Variants in ASB17 observed in about 807,000 individuals in gnomAD.
ASB17 encodes ankyrin repeat and SOCS box containing 17.
A neutral mutation model predicts 25.7 loss-of-function variants in ASB17; 26 were observed. The ratio of observed to expected loss-of-function variants is 1.01; its 90% confidence interval spans 0.74 to 1.40. The LOEUF is 1.40. Ranked by LOEUF, ASB17 falls within the 40% of genes most tolerant of loss-of-function variation. ASB17 has a pLI of 0.00. For synonymous variants in ASB17, 128 were observed against 121.4 expected (o/e 1.05, Z -0.36); for missense variants, 326 against 338.5 (o/e 0.96, Z 0.29).
chr1:75,929,688 G>GGAAGAGTGGAAGCT (rs1553142604), intron 1 of ASB17, among the ~76,000 whole-genome samples: 1 of 152,138 alleles, frequency 6.6e-6, no homozygotes, highest in African/African-American at 2.4e-5. Context: ...GAGTTGAGAG[G>GGAAGAGTGGAAGCT]GAAGAGTGGA....
At chr1:75,925,317 C>T (rs1399879847) in intron 1 of ASB17, among the ~76,000 whole-genome samples, 1 of 151,946 alleles carries the variant, frequency 6.6e-6, no homozygotes, top group African/African-American at 2.4e-5. Flanking sequence ...ACTTAAGAAC[C>T]TTATAAGTAT....
At chr1:75,919,252 T>C (rs1269946008) in intron 2 of ASB17, 94 bp from the exon 3 acceptor site, 3 of 881,760 alleles carry the variant, frequency 3.4e-6, no homozygotes, top group Non-Finnish European at 5.0e-6. Context: ...ATTTAGAAAA[T>C]AGACCATAAA....
At chr1:75,922,909 A>AC (rs1423937299) in intron 1 of ASB17, among the ~76,000 whole-genome samples, 1 of 152,114 alleles carries the variant, frequency 6.6e-6, no homozygotes, top group Non-Finnish European at 1.5e-5. Context: ...ATAAAAAAAA[A>AC]CAATTTATAA....
intron 1 of ASB17, among the ~76,000 whole-genome samples, chr1:75,923,662 A>G (rs1453094499): frequency 6.6e-6 from 1 of 152,200 alleles, no homozygotes; most frequent in African/African-American, 2.4e-5. Flanking sequence ...ACTCAGAGCA[A>G]GGAAAGACTT....
chr1:75,919,173 A>G lies in ASB17; in HGVS notation c.682-15T>C. ...CTCAGCTGTGTCTGAAGAAAAGCAAAATATTTTACTTTTGTAATGTTTTGT... is the reference window on the plus strand; with the variant it reads ...CTCAGCTGTGTCTGAAGAAAAGCAAGATATTTTACTTTTGTAATGTTTTGT... On this transcript the variant is annotated splice_polypyrimidine_tract_variant and intron_variant, in intron 2 of 2. Coordinates refer to ENST00000284142, the MANE Select transcript of ASB17 (RefSeq NM_080868.3). 1 of 1,576,204 alleles carries G rather than the reference A, an allele frequency of 6.3e-7. No individual in the cohort carries two copies. The highest frequency in any genetic ancestry group is 1.1e-5 in the South Asian group (1 of 88,196).
intron 1 of ASB17, among the ~76,000 whole-genome samples, chr1:75,928,071 T>C (rs1222008538): frequency 1.3e-5 from 2 of 152,170 alleles, no homozygotes; most frequent in South Asian, 2.1e-4. Flanking sequence ...AAGAAACTCT[T>C]TGTTATCTTT....
In ASB17 at chr1:75,922,179, T is replaced by G. The variant is rs758668303; in HGVS notation, c.582A>C (p.Val194=). The change falls in exon 2 of 3, where the codon GTA becomes GTC. Residue 194 remains valine, a synonymous_variant. Transcript: ENST00000284142. ...TIVLYPSRVR[V]MVDRELADIH... is the part of the protein sequence containing the mutation. ...TGTCAGCCAATTCACGATCAACCAT[T>G]ACTCTTACTCTCGAAGGGTAGAGTA... The G allele has an allele frequency of 1.9e-6, 3 of 1,613,874 alleles. No homozygotes were observed. Among genetic ancestry groups the G allele is most frequent in the Admixed American group, 3.3e-5 (2 of 60,026 alleles).
intron 1 of ASB17, among the ~76,000 whole-genome samples, chr1:75,924,014 T>C (rs532640972): frequency 6.6e-6 from 1 of 152,248 alleles, no homozygotes; most frequent in East Asian, 1.9e-4. Flanking sequence ...ATCACAATGA[T>C]AGAAGCATGC....
rs373458549 is a variant in ASB17, at chr1:75,922,420, T to G, written c.402-61A>C. 7.0e-5 allele frequency: 88 copies of G among 1,261,820 alleles called. 1 individual carries two copies. The African/African-American group carries it at 1.2e-3, about 17-fold the overall frequency. The allele number at this position is 1,261,820 out of a possible 1,614,324, so 78.2% of individuals were successfully genotyped here. On this transcript the variant is annotated intron_variant, in intron 1 of 2. Transcript: ENST00000284142. ...AGAATTAAGAAATGTGACAAACACT[T>G]TATCTTGCTAGTAATGGGAAAATAA...
chr1:75,926,887 T>G (rs1301578084), intron 1 of ASB17, among the ~76,000 whole-genome samples: 1 of 84,638 alleles, frequency 1.2e-5, no homozygotes, highest in South Asian at 5.3e-4. Flanking sequence ...AAATATTTTA[T>G]CTCGATAAGC....
chr1:75,920,131 A>G (rs1445965251), intron 2 of ASB17, among the ~76,000 whole-genome samples: 1 of 152,230 alleles, frequency 6.6e-6, no homozygotes, highest in Non-Finnish European at 1.5e-5. Context: ...CCTAAGTCCT[A>G]AAAGTTTCCC....
chr1:75,921,910 T>G (rs1467538025), intron 2 of ASB17, among the ~76,000 whole-genome samples, 170 bp downstream of exon 2: 1 of 152,084 alleles, frequency 6.6e-6, no homozygotes, highest in Non-Finnish European at 1.5e-5. Context: ...ACATAAGAAG[T>G]AAAGGACTGT....
At chr1:75,929,349 C>T (rs1358443710) in intron 1 of ASB17, among the ~76,000 whole-genome samples, 3 of 151,438 alleles carry the variant, frequency 2.0e-5, no homozygotes, top group South Asian at 2.1e-4. Flanking sequence ...CTCAGCCTCC[C>T]GAGTAGCTGG....
Position 75,918,883 on chromosome 1 carries a change from T to C in ASB17, c.*69A>G. On this transcript the variant is annotated 3_prime_UTR_variant, in exon 3 of 3. Transcript: ENST00000284142. ...TAATGCAATAAAAACTTACATGAAG[T>C]GAATTTTTATTAACTTCTAAGCCAT... 7.8e-7 allele frequency: 1 copy of C among 1,279,106 alleles called. No individual in the cohort carries two copies. The highest frequency in any genetic ancestry group is 1.8e-5 in the Admixed American group (1 of 54,136). The allele number at this position is 1,279,106 out of a possible 1,614,324, so 79.2% of individuals were successfully genotyped here.
At chr1:75,922,478 T>C (rs905241056) in intron 1 of ASB17, 119 bp from the exon 2 acceptor site, 2 of 585,216 alleles carry the variant, frequency 3.4e-6, no homozygotes, top group Admixed American at 4.3e-5. Flanking sequence ...AAATGTAACT[T>C]TATATGTTTC....
chr1:75,932,404 T>A lies in ASB17; in HGVS notation c.-113A>T. ...TTACTCCACAAACAGAAGTGCCCTT[T>A]AAACTGTAACCAGAAAAAATAAATA... is the stretch of plus-strand genomic sequence containing the variant. On this transcript the variant is annotated 5_prime_UTR_variant, in exon 1 of 3. Coordinates refer to ENST00000284142, the MANE Select transcript of ASB17 (RefSeq NM_080868.3). 1 of 957,452 alleles carries A rather than the reference T, an allele frequency of 1.0e-6. No individual in the cohort carries two copies. Among genetic ancestry groups the A allele is most frequent in the Non-Finnish European group, 1.5e-6 (1 of 653,018 alleles). The allele number at this position is 957,452 out of a possible 1,614,324, so 59.3% of individuals were successfully genotyped here. A position where few individuals can be genotyped will look rare whatever the true frequency, so the allele number is the denominator to read the frequency against.
chr1:75,923,126 C>T (rs1653074884), intron 1 of ASB17, among the ~76,000 whole-genome samples: 1 of 152,110 alleles, frequency 6.6e-6, no homozygotes, highest in Non-Finnish European at 1.5e-5. Flanking sequence ...ATGTACCAGA[C>T]ATGAACTTGA....
At chr1:75,931,317 A>G (rs867608907) in intron 1 of ASB17, among the ~76,000 whole-genome samples, 2 of 152,330 alleles carry the variant, frequency 1.3e-5, no homozygotes. Context: ...TTTGATTTTC[A>G]TAAGATCCTC....
intron 1 of ASB17, among the ~76,000 whole-genome samples, chr1:75,930,221 A>C (rs1439906031): frequency 1.4e-5 from 2 of 148,004 alleles, no homozygotes; most frequent in Admixed American, 6.8e-5. Flanking sequence ...TTATATAACT[A>C]TTATATGACT....
Sources: allele counts gnomAD v4.1 joint callset (sites outside exome capture counted in the v4.1 genomes callset), GRCh38; gene constraint gnomAD v4.1.1; transcripts MANE v1.5; gene names NCBI Gene and HGNC (gene_info 2026-07-23, HGNC 2026-07-21).